Variants in KIAA1328 observed in about 807,000 individuals in gnomAD.
The protein encoded by KIAA1328 is KIAA1328, also known as protein hinderin.
Under a neutral mutation model 68.1 loss-of-function variants are expected in KIAA1328, and 52 were observed. The ratio of observed to expected loss-of-function variants is 0.76; its 90% confidence interval spans 0.61 to 0.96. The LOEUF (loss-of-function observed/expected upper bound fraction) is 0.96. Among genes scored for constraint, KIAA1328 ranks in the 40% least tolerant of loss-of-function variants. The pLI is 0.00. For missense variants in KIAA1328, 641 were observed against 677.6 expected, an observed-to-expected ratio of 0.95 and a Z score of 0.60; for synonymous variants, 232 against 239.4, an observed-to-expected ratio of 0.97 and a Z score of 0.28.
At chr18:37,091,265 A>G (rs1428792226) in intron 7 of KIAA1328, among the ~76,000 whole-genome samples, 1 of 152,156 alleles carries the variant, frequency 6.6e-6, no homozygotes, top group African/African-American at 2.4e-5. Flanking sequence ...TTCAACAGGG[A>G]AGTCACAGGG....
intron 9 of KIAA1328, among the ~76,000 whole-genome samples, chr18:37,180,275 G>A (rs1291298840): frequency 6.6e-6 from 1 of 152,162 alleles, no homozygotes; most frequent in Non-Finnish European, 1.5e-5. Context: ...TATCCGATTT[G>A]ACAATGAGGA....
intron 9 of KIAA1328, among the ~76,000 whole-genome samples, chr18:37,211,199 G>A (rs1331983851): frequency 6.6e-6 from 1 of 152,106 alleles, no homozygotes; most frequent in Non-Finnish European, 1.5e-5. Context: ...TTTCTTGATG[G>A]AAAGATTGAA....
intron 7 of KIAA1328, among the ~76,000 whole-genome samples, chr18:37,141,023 C>T (rs2058753316): frequency 6.6e-6 from 1 of 152,134 alleles, no homozygotes; most frequent in South Asian, 2.1e-4. Context: ...AATTTTGATA[C>T]ATCTCAGTAT....
Position 37,036,403 on chromosome 18 carries a change from C to A in KIAA1328, c.577-30487C>A, listed in dbSNP as rs181146117. ...CTTAGCTACTAAGCCTGATATAGAC[C>A]CTGAATGCTGTCTATCTTTATTGAA... On this transcript the variant is annotated intron_variant, in intron 6 of 9. Transcript: ENST00000280020. 2.6e-4 allele frequency among the ~76,000 whole-genome samples: 39 copies of A among 152,254 alleles called. No individual in the cohort carries two copies. The East Asian group carries it at 6.2e-3, about 24-fold the overall frequency.
chr18:36,965,487 T>TAC (rs986100923), intron 6 of KIAA1328, among the ~76,000 whole-genome samples: 3 of 127,590 alleles, frequency 2.4e-5, no homozygotes, highest in Admixed American at 8.2e-5. Flanking sequence ...CTACTAAAAA[T>TAC]ACACACACAC....
chr18:37,209,557 G>C (rs2060276256), intron 9 of KIAA1328, among the ~76,000 whole-genome samples: 1 of 152,100 alleles, frequency 6.6e-6, no homozygotes, highest in African/African-American at 2.4e-5. Flanking sequence ...ATTTTGGATG[G>C]AGTGGCTAAA....
At chr18:36,938,656 A>G (rs1325263803) in intron 5 of KIAA1328, among the ~76,000 whole-genome samples, 1 of 152,106 alleles carries the variant, frequency 6.6e-6, no homozygotes, top group African/African-American at 2.4e-5. Context: ...CCAGGAATTC[A>G]CTGTCCTGAC....
At chr18:37,026,798 C>A (rs1250612960) in intron 6 of KIAA1328, among the ~76,000 whole-genome samples, 1 of 152,170 alleles carries the variant, frequency 6.6e-6, no homozygotes, top group Non-Finnish European at 1.5e-5. Context: ...GAAGCATTCC[C>A]TTTGAAAACT....
intron 6 of KIAA1328, among the ~76,000 whole-genome samples, chr18:36,962,649 C>T (rs975453661): frequency 1.3e-5 from 2 of 152,202 alleles, no homozygotes; most frequent in African/African-American, 4.8e-5. Flanking sequence ...CAAATTAGAA[C>T]TCAGGATTAA....
intron 6 of KIAA1328, among the ~76,000 whole-genome samples, chr18:37,008,602 TCAGA>T (rs1345975447): frequency 1.5e-4 from 23 of 152,144 alleles, no homozygotes; most frequent in African/African-American, 5.3e-4. Context: ...TTTAGAATAA[TCAGA>T]CAAAGACTTT....
intron 5 of KIAA1328, among the ~76,000 whole-genome samples, chr18:36,911,923 A>G (rs1289826081): frequency 6.6e-6 from 1 of 152,126 alleles, no homozygotes. Context: ...TGTTACTGTT[A>G]AATATTTTAC....
Position 37,225,164 on chromosome 18 carries a change from G to C in KIAA1328, c.*2937G>C. 1 of 985,466 alleles carries C rather than the reference G, an allele frequency of 1.0e-6. No individual in the cohort carries two copies. The highest frequency in any genetic ancestry group is 1.2e-6 in the Non-Finnish European group (1 of 829,970). 61.0% of individuals were successfully genotyped at this position (985,466 alleles called of 1,614,324 possible). A position where few individuals can be genotyped will look rare whatever the true frequency, so the allele number is the denominator to read the frequency against. On this transcript the variant is annotated 3_prime_UTR_variant, in exon 10 of 10. Transcript: ENST00000280020. Reference sequence around the variant, plus strand: ...GGCCAGAGAATCAGGGGAGAGGAGAGGCCTGATGGGGCAGAGCTGGACGAA... The same window carrying C: ...GGCCAGAGAATCAGGGGAGAGGAGACGCCTGATGGGGCAGAGCTGGACGAA...
chr18:37,072,603 A>G (rs947971106), intron 7 of KIAA1328, among the ~76,000 whole-genome samples: 5 of 152,112 alleles, frequency 3.3e-5, no homozygotes, highest in African/African-American at 1.2e-4. Context: ...TCTTCTGGCT[A>G]GCTAATGACA....
chr18:36,866,087 G>T (rs1472350064), intron 4 of KIAA1328, among the ~76,000 whole-genome samples: 1 of 152,072 alleles, frequency 6.6e-6, no homozygotes, highest in Non-Finnish European at 1.5e-5. Flanking sequence ...ACTGTTTGTT[G>T]GCTAATCTTC....
intron 4 of KIAA1328, among the ~76,000 whole-genome samples, chr18:36,883,157 A>C (rs530360630): frequency 6.6e-6 from 1 of 152,192 alleles, no homozygotes; most frequent in Non-Finnish European, 1.5e-5. Flanking sequence ...GGATTTTGTT[A>C]CATATTTTCT....
rs577318187 is a variant in KIAA1328 at position 36,879,554 on chromosome 18, A to G, written c.333-6003A>G. Among the ~76,000 whole-genome samples the G allele has an allele frequency of 8.5e-5, 13 of 152,316 alleles. No homozygotes were observed. The East Asian group carries it at 2.5e-3, about 29-fold the overall frequency. ...GTCTGTCGCTTAGCAGAGCTTGAGC[A>G]CTATGCTGGGAGATCTGCTCCTCTC... On this transcript the variant is annotated intron_variant, in intron 4 of 9. Coordinates refer to ENST00000280020, the MANE Select transcript of KIAA1328 (RefSeq NM_020776.3).
intron 5 of KIAA1328, among the ~76,000 whole-genome samples, chr18:36,947,122 C>T (rs776485880): frequency 1.4e-4 from 21 of 152,100 alleles, no homozygotes; most frequent in African/African-American, 1.9e-4. Flanking sequence ...CGAGATCACG[C>T]CACTGCACTC....
intron 7 of KIAA1328, among the ~76,000 whole-genome samples, chr18:37,099,520 G>T (rs2057530428): frequency 6.6e-6 from 1 of 152,212 alleles, no homozygotes; most frequent in Admixed American, 6.5e-5. Context: ...TGTAATAGGT[G>T]TGGTGTGATG....
chr18:36,984,707 G>A (rs972469900), intron 6 of KIAA1328, among the ~76,000 whole-genome samples: 2 of 151,658 alleles, frequency 1.3e-5, no homozygotes, highest in Non-Finnish European at 2.9e-5. Flanking sequence ...AGAGATCGAG[G>A]CCATCCTGGC....
Sources: gnomAD v4.1 joint callset for allele counts (sites outside exome capture counted in the v4.1 genomes callset) on GRCh38, gnomAD v4.1.1 for gene constraint, MANE v1.5 for transcripts, NCBI Gene and HGNC (gene_info 2026-07-23, HGNC 2026-07-21) for gene names.